BMPR2: variants seen among roughly 807,000 people sequenced by gnomAD.
The protein encoded by BMPR2 is bone morphogenetic protein receptor type-2.
A neutral mutation model predicts 100.8 loss-of-function variants in BMPR2; 29 were observed. That is an observed-to-expected ratio of 0.29 (90% CI 0.21 to 0.39). The LOEUF (loss-of-function observed/expected upper bound fraction) is 0.39. BMPR2 is among the 10% of genes least tolerant of loss of function. The pLI is 1.00. For synonymous variants in BMPR2, 382 were observed against 442.3 expected (o/e 0.86, Z 1.71); for missense variants, 1,011 against 1,274.5 (o/e 0.79, Z 3.15).
chr2:202,467,688 C>A lies in BMPR2; in HGVS notation c.417C>A (p.Leu139=). ...ENFPPPDTTP[L]SPPHSFNRDE... Reference sequence around the variant, plus strand: ...TTCCACCTCCTGACACAACACCACTCAGTAAGTAAAGTAACCAACTTTTCT... The same window carrying A: ...TTCCACCTCCTGACACAACACCACTAAGTAAGTAAAGTAACCAACTTTTCT... Residue 139 remains leucine (L), a splice_region_variant and synonymous_variant, in exon 3 of 13, where the codon CTC becomes CTA. Coordinates refer to ENST00000374580, the MANE Select transcript of BMPR2 (RefSeq NM_001204.7). 3 of 1,608,684 alleles carry A rather than the reference C, an allele frequency of 1.9e-6. No homozygotes were observed. The highest frequency in any genetic ancestry group is 2.6e-6 in the Non-Finnish European group (3 of 1,175,050).
At chr2:202,536,061 G>T (rs527322404) in intron 9 of BMPR2, among the ~76,000 whole-genome samples, 2 of 152,064 alleles carry the variant, frequency 1.3e-5, no homozygotes, top group East Asian at 3.9e-4. Context: ...GAGGGAGACC[G>T]TGGAAAGAGA....
intron 10 of BMPR2, among the ~76,000 whole-genome samples, chr2:202,552,013 C>A (rs1373010985): frequency 6.6e-6 from 1 of 152,094 alleles, no homozygotes; most frequent in Non-Finnish European, 1.5e-5. Flanking sequence ...TGCCACCACA[C>A]CCAGCTGATT....
At chr2:202,511,600 A>G (rs1687626119) in intron 3 of BMPR2, among the ~76,000 whole-genome samples, 3 of 152,028 alleles carry the variant, frequency 2.0e-5, no homozygotes, top group South Asian at 4.2e-4. Context: ...AATTGTAGCC[A>G]TGCCAATGTA....
chr2:202,434,301 C>T (rs970150164), intron 1 of BMPR2, among the ~76,000 whole-genome samples: 1 of 150,504 alleles, frequency 6.6e-6, no homozygotes, highest in Non-Finnish European at 1.5e-5. Flanking sequence ...GCAATGGCTA[C>T]CAAGAGGTGG....
At chr2:202,535,747 A>C (rs1688141723) in intron 9 of BMPR2, among the ~76,000 whole-genome samples, 1 of 152,008 alleles carries the variant, frequency 6.6e-6, no homozygotes, top group Non-Finnish European at 1.5e-5. Context: ...TGGGAGGTGG[A>C]GGTTGTAGCG....
intron 7 of BMPR2, among the ~76,000 whole-genome samples, chr2:202,527,521 C>G (rs935729130): frequency 6.7e-6 from 1 of 148,166 alleles, no homozygotes; most frequent in African/African-American, 2.5e-5. Flanking sequence ...CGCGGTGGCT[C>G]ACGCCTGTAA....
At chr2:202,500,824 T>C (rs1687370743) in intron 3 of BMPR2, among the ~76,000 whole-genome samples, 1 of 152,212 alleles carries the variant, frequency 6.6e-6, no homozygotes, top group African/African-American at 2.4e-5. Context: ...GGTTCACGGT[T>C]CTGGACCTCA....
rs1408540975 is a variant in BMPR2, at chr2:202,376,921, C to G, written c.-554C>G. 1 of 437,520 alleles carries G rather than the reference C, an allele frequency of 2.3e-6. No individual in the cohort carries two copies. Among genetic ancestry groups the G allele is most frequent in the Non-Finnish European group, 4.0e-6 (1 of 250,006 alleles). 27.1% of individuals were successfully genotyped at this position (437,520 alleles called of 1,614,324 possible). The stretch of plus-strand genomic sequence containing the variant: ...GTCAAGGAAGAGGATTTGTTGTTTT[C>G]GAAATCAGAGTGAAGGAAGCACCGA... On this transcript the variant is annotated 5_prime_UTR_variant, in exon 1 of 13. Transcript: ENST00000374580.
chr2:202,396,804 T>C (rs1690664945), intron 1 of BMPR2, among the ~76,000 whole-genome samples: 1 of 152,204 alleles, frequency 6.6e-6, no homozygotes, highest in African/African-American at 2.4e-5. Flanking sequence ...TATTTTTTTT[T>C]TTGAAACGGA....
At chr2:202,492,502 C>G (rs1017282288) in intron 3 of BMPR2, among the ~76,000 whole-genome samples, 1 of 151,794 alleles carries the variant, frequency 6.6e-6, no homozygotes, top group African/African-American at 2.4e-5. Context: ...GAGTTCGAGA[C>G]CAGCCTGGCC....
intron 5 of BMPR2, 134 bp downstream of exon 5, chr2:202,515,113 C>A: frequency 1.1e-6 from 1 of 880,712 alleles, no homozygotes; most frequent in Non-Finnish European, 1.8e-6. Flanking sequence ...TTTGTCAAGG[C>A]CTATTCTAGG....
At chr2:202,456,675 C>T (rs1040443741) in intron 1 of BMPR2, among the ~76,000 whole-genome samples, 3 of 151,692 alleles carry the variant, frequency 2.0e-5, no homozygotes, top group East Asian at 3.9e-4. Flanking sequence ...CCACCACACC[C>T]GGCTAATTTT....
chr2:202,517,882 G>A (rs1301918335), intron 5 of BMPR2, among the ~76,000 whole-genome samples: 23 of 144,428 alleles, frequency 1.6e-4, no homozygotes, highest in South Asian at 1.1e-3. Flanking sequence ...GCGCGACCTC[G>A]GCTCACTGCA....
At position 202,469,778 on chromosome 2, in the gene BMPR2, C is replaced by T. The variant is rs535260919; in HGVS notation, c.418+2089C>T. 5.9e-3 allele frequency among the ~76,000 whole-genome samples: 898 copies of T among 152,120 alleles called. 4 individuals are homozygous for T. The highest frequency in any genetic ancestry group is 0.016 in the South Asian group (75 of 4,814). On this transcript the variant is annotated intron_variant, in intron 3 of 12. Transcript: ENST00000374580. ...GACTACAGGCCTGAGCCACCGCGCC[C>T]GGCCCCAATTGTATTTCATATTACT...
At chr2:202,444,255 C>A (rs1450871790) in intron 1 of BMPR2, among the ~76,000 whole-genome samples, 1 of 150,616 alleles carries the variant, frequency 6.6e-6, no homozygotes. Flanking sequence ...TAAATTATTG[C>A]TAAATAATTC....
At position 202,436,112 on chromosome 2, in the gene BMPR2, T is replaced by C. The variant is rs189978884; in HGVS notation, c.77-28697T>C. Among the ~76,000 whole-genome samples, 3 of 151,052 alleles carry C rather than the reference T, an allele frequency of 2.0e-5. No homozygotes were observed. In the East Asian group the frequency reaches 5.8e-4, roughly 29 times the overall value. ...CTATACTAAGTTAACTATAAAATGGTACATCACTGGTAATAGTGATAATAA... is the reference window on the plus strand; with the variant it reads ...CTATACTAAGTTAACTATAAAATGGCACATCACTGGTAATAGTGATAATAA... On this transcript the variant is annotated intron_variant, in intron 1 of 12. Coordinates refer to ENST00000374580, the MANE Select transcript of BMPR2 (RefSeq NM_001204.7).
Position 202,462,651 on chromosome 2 carries a change from C to G in BMPR2, c.77-2158C>G, listed in dbSNP as rs190035959. ...GTACCTTTTTTTTTTTTTAACTATA[C>G]TTTTTTTTTAAATGCTGAACTATCC... On this transcript the variant is annotated intron_variant, in intron 1 of 12. Transcript: ENST00000374580. 5.4e-5 allele frequency among the ~76,000 whole-genome samples: 8 copies of G among 147,056 alleles called. No individual in the cohort carries two copies. In the East Asian group the frequency reaches 1.6e-3, roughly 29 times the overall value.
Position 202,556,526 on chromosome 2 carries a change from T to C in BMPR2, c.2861T>C (p.Ile954Thr). Residue 954 changes from isoleucine (I) to threonine (T), a missense_variant, in exon 12 of 13, where the codon ATA (isoleucine) becomes ACA (threonine). By Grantham distance (89) the Ile-to-Thr change is moderately conservative. Coordinates refer to ENST00000374580, the MANE Select transcript of BMPR2 (RefSeq NM_001204.7). ...SATNVLDGSS[I>T]QIGESTQDGK... ...ACAAATGTCCTGGATGGCAGCAGTA[T>C]ACAGAGTAAGTGGAGGGATCATATA... 1 of 1,612,374 alleles carries C rather than the reference T, an allele frequency of 6.2e-7. No individual in the cohort carries two copies. Among genetic ancestry groups the C allele is most frequent in the Non-Finnish European group, 8.5e-7 (1 of 1,180,028 alleles).
At chr2:202,426,167 A>AG (rs1395330558) in intron 1 of BMPR2, among the ~76,000 whole-genome samples, 1 of 152,248 alleles carries the variant, frequency 6.6e-6, no homozygotes, top group Admixed American at 6.5e-5. Flanking sequence ...CACTTTACTT[A>AG]GGCCCTGAGT....
Sources: gnomAD v4.1 joint callset for allele counts (sites outside exome capture counted in the v4.1 genomes callset) on GRCh38, gnomAD v4.1.1 for gene constraint, MANE v1.5 for transcripts, NCBI Gene and HGNC (gene_info 2026-07-23, HGNC 2026-07-21) for gene names.